PARD3B: variants seen among roughly 807,000 people sequenced by gnomAD.
PARD3B encodes partitioning defective 3 homolog B.
Under a neutral mutation model 130.2 loss-of-function variants are expected in PARD3B, and 103 were observed. The observed-to-expected ratio is 0.79, with a 90% CI of 0.67 to 0.93. PARD3B has a LOEUF of 0.93. PARD3B is among the 40% of genes least tolerant of loss of function. The pLI, the probability that PARD3B is intolerant of heterozygous loss-of-function variation, is 0.00. For synonymous variants in PARD3B, 583 were observed against 553.2 expected (o/e 1.05, Z -0.76); for missense variants, 1,609 against 1,499.2 (o/e 1.07, Z -1.21).
At chr2:205,100,735 G>A (rs1702715551) in intron 4 of PARD3B, among the ~76,000 whole-genome samples, 1 of 151,872 alleles carries the variant, frequency 6.6e-6, no homozygotes, top group Admixed American at 6.6e-5. Context: ...ACAATTCAAT[G>A]AATAAAAAAA....
At chr2:205,612,647 T>C (rs2055276827) in intron 22 of PARD3B, among the ~76,000 whole-genome samples, 1 of 152,190 alleles carries the variant, frequency 6.6e-6, no homozygotes, top group African/African-American at 2.4e-5. Context: ...CAACTCATTG[T>C]TTTTCTTCTC....
chr2:205,499,062 T>TA (rs2050054845), intron 20 of PARD3B, among the ~76,000 whole-genome samples: 1 of 152,170 alleles, frequency 6.6e-6, no homozygotes, highest in Admixed American at 6.6e-5. Context: ...ATGAACCAGA[T>TA]AAGTAGAATG....
Position 205,268,050 on chromosome 2 carries a change from G to A in PARD3B, c.2185+22228G>A, listed in dbSNP as rs1185291866. The stretch of plus-strand genomic sequence containing the variant: ...AACTTCAGGCCTTCTCTCATCCCAG[G>A]ACCTTTAGCTAGTGAGCCCTAGTGA... On this transcript the variant is annotated intron_variant, in intron 16 of 22. Coordinates refer to ENST00000406610, the MANE Select transcript of PARD3B (RefSeq NM_001302769.2). The surrounding 1 kb of genome is among the most constrained non-coding windows in gnomAD (Gnocchi z 4.1). Among the ~76,000 whole-genome samples the A allele has an allele frequency of 6.6e-6, 1 of 152,104 alleles. No homozygotes were observed. The highest frequency in any genetic ancestry group is 1.5e-5 in the Non-Finnish European group (1 of 68,016).
intron 3 of PARD3B, among the ~76,000 whole-genome samples, chr2:205,009,366 A>G (rs1316809967): frequency 2.6e-5 from 4 of 152,196 alleles, no homozygotes; most frequent in African/African-American, 9.6e-5. Flanking sequence ...CTGTTTAAAA[A>G]TAGAATTTTA....
At chr2:205,201,981 T>TG (rs1352892053) in intron 15 of PARD3B, among the ~76,000 whole-genome samples, 2 of 152,164 alleles carry the variant, frequency 1.3e-5, no homozygotes, top group African/African-American at 2.4e-5. Flanking sequence ...GATGAAAAGT[T>TG]GAATTTAGAG....
At chr2:204,971,949 C>A (rs896918901) in intron 3 of PARD3B, among the ~76,000 whole-genome samples, 1 of 151,494 alleles carries the variant, frequency 6.6e-6, no homozygotes, top group Admixed American at 6.6e-5. Flanking sequence ...AGCCACCACG[C>A]CTTGGCTGTT....
At chr2:205,189,723 T>C (rs1182380848) in intron 14 of PARD3B, among the ~76,000 whole-genome samples, 2 of 152,228 alleles carry the variant, frequency 1.3e-5, no homozygotes, top group Non-Finnish European at 2.9e-5. Context: ...ACTAACTCAA[T>C]ACGGCACTCA....
chr2:205,077,716 G>A (rs922333646), intron 4 of PARD3B, among the ~76,000 whole-genome samples: 1 of 152,074 alleles, frequency 6.6e-6, no homozygotes, highest in African/African-American at 2.4e-5. Flanking sequence ...ACAGAATAGG[G>A]ACGTCTGGGA....
chr2:204,668,947 G>T (rs972181639), intron 1 of PARD3B, among the ~76,000 whole-genome samples: 4 of 152,116 alleles, frequency 2.6e-5, no homozygotes, highest in African/African-American at 9.7e-5. Context: ...TTTGAAGTTG[G>T]AAGGGACCAA....
At chr2:204,727,690 T>G (rs2039297878) in intron 2 of PARD3B, among the ~76,000 whole-genome samples, 2 of 152,148 alleles carry the variant, frequency 1.3e-5, no homozygotes, top group Non-Finnish European at 1.5e-5. Context: ...TACACGTATT[T>G]AATAAGCTGT....
At chr2:205,143,264 T>G (rs1157656185) in intron 10 of PARD3B, among the ~76,000 whole-genome samples, 1 of 152,176 alleles carries the variant, frequency 6.6e-6, no homozygotes, top group East Asian at 1.9e-4. Context: ...ACTAAAAAGA[T>G]TCATCCACTT....
intron 3 of PARD3B, among the ~76,000 whole-genome samples, chr2:205,017,251 CCTAA>C (rs1696219580): frequency 6.6e-6 from 1 of 152,016 alleles, no homozygotes; most frequent in Admixed American, 6.6e-5. Context: ...AACATTATAC[CCTAA>C]CTAACAAATG....
At chr2:204,999,636 T>C (rs1694657098) in intron 3 of PARD3B, among the ~76,000 whole-genome samples, 4 of 152,196 alleles carry the variant, frequency 2.6e-5, no homozygotes, top group African/African-American at 9.6e-5. Context: ...ATTGTCCTTT[T>C]CTCCTATACA....
intron 16 of PARD3B, among the ~76,000 whole-genome samples, chr2:205,261,527 T>C: frequency 6.6e-6 from 1 of 152,146 alleles, no homozygotes. Context: ...GACAATCCAA[T>C]ATAAAATGCC....
In PARD3B at chr2:205,292,647, A is replaced by G. The variant is rs1312018827; in HGVS notation, c.2186-7883A>G. ...AAGGGCACACTGTCATTGAGATGGA[A>G]GGTAAGTGAAATTGCTCTCATTAAG... On this transcript the variant is annotated intron_variant, in intron 16 of 22. Coordinates refer to ENST00000406610, the MANE Select transcript of PARD3B (RefSeq NM_001302769.2). This position sits in a 1 kb window ranked among gnomAD's most constrained non-coding sequence, Gnocchi z 5.3. Among the ~76,000 whole-genome samples the G allele has an allele frequency of 6.6e-6, 1 of 152,136 alleles. No individual in the cohort carries two copies. The highest frequency in any genetic ancestry group is 1.5e-5 in the Non-Finnish European group (1 of 68,012).
rs2036594893 is a variant in PARD3B at position 204,677,219 on chromosome 2, A to G, written c.121-8962A>G. Among the ~76,000 whole-genome samples the G allele has an allele frequency of 6.6e-6, 1 of 152,160 alleles. No individual in the cohort carries two copies. Among genetic ancestry groups the G allele is most frequent in the Non-Finnish European group, 1.5e-5 (1 of 68,028 alleles). ...TACATAAAATATAGTCTCCAGTGTA[A>G]TCCAGATACTTCCTCTGGTGCTCAA... On this transcript the variant is annotated intron_variant, in intron 1 of 22. Coordinates refer to ENST00000406610, the MANE Select transcript of PARD3B (RefSeq NM_001302769.2). This position sits in a 1 kb window ranked among gnomAD's most constrained non-coding sequence, Gnocchi z 4.1.
chr2:205,184,645 G>A (rs1450856847), intron 13 of PARD3B, among the ~76,000 whole-genome samples: 1 of 152,036 alleles, frequency 6.6e-6, no homozygotes, highest in Non-Finnish European at 1.5e-5. Context: ...GGGAGGCTGA[G>A]GCAGGAGAAT....
At chr2:204,551,375 A>G (rs1158680906) in intron 1 of PARD3B, among the ~76,000 whole-genome samples, 1 of 152,146 alleles carries the variant, frequency 6.6e-6, no homozygotes, top group Admixed American at 6.5e-5. Context: ...AAGAATTATT[A>G]ATGCTTCAGT....
intron 22 of PARD3B, among the ~76,000 whole-genome samples, chr2:205,556,629 T>G (rs189380811): frequency 8.9e-4 from 136 of 152,300 alleles, no homozygotes; most frequent in Non-Finnish European, 1.7e-3. Context: ...AAAATGACTT[T>G]ACTTCTTTTC....
Sources: allele counts gnomAD v4.1 joint callset (sites outside exome capture counted in the v4.1 genomes callset), GRCh38; gene constraint gnomAD v4.1.1; non-coding constraint Gnocchi (gnomAD v3.1); transcripts MANE v1.5; gene names NCBI Gene and HGNC (gene_info 2026-07-23, HGNC 2026-07-21).